The following PPM1E variants were observed in gnomAD, a reference collection of about 807,000 sequenced individuals.
PPM1E encodes protein phosphatase 1E.
A neutral mutation model predicts 65.9 loss-of-function variants in PPM1E; 20 were observed. The ratio of observed to expected loss-of-function variants is 0.30; its 90% confidence interval spans 0.21 to 0.44. PPM1E has a LOEUF of 0.44. Ranked by LOEUF, PPM1E falls within the 20% of genes least tolerant of loss-of-function variation. The pLI is 1.00. For synonymous variants in PPM1E, 352 were observed against 374.9 expected (o/e 0.94, Z 0.70); for missense variants, 713 against 953.1 (o/e 0.75, Z 3.32).
At chr17:58,868,415 A>G (rs1053005768) in intron 1 of PPM1E, among the ~76,000 whole-genome samples, 1 of 152,164 alleles carries the variant, frequency 6.6e-6, no homozygotes, top group African/African-American at 2.4e-5. Context: ...TTTGTTTTCC[A>G]TTTAAAGTTA....
At chr17:58,781,521 C>T (rs1239071898) in intron 1 of PPM1E, among the ~76,000 whole-genome samples, 2 of 152,048 alleles carry the variant, frequency 1.3e-5, no homozygotes, top group Non-Finnish European at 2.9e-5. Context: ...CAAATTCTTG[C>T]CTTGCTGACA....
intron 1 of PPM1E, among the ~76,000 whole-genome samples, chr17:58,808,837 A>C (rs1285246032): frequency 6.6e-6 from 1 of 152,154 alleles, no homozygotes; most frequent in African/African-American, 2.4e-5. Flanking sequence ...TAGCCCGAGG[A>C]AACCACCATG....
chr17:58,914,905 C>T (rs1789830736), intron 1 of PPM1E, among the ~76,000 whole-genome samples: 1 of 151,840 alleles, frequency 6.6e-6, no homozygotes. Context: ...TACTTAGTAC[C>T]CAGGATTGTT....
intron 1 of PPM1E, among the ~76,000 whole-genome samples, chr17:58,822,946 A>T (rs2050495314): frequency 6.6e-6 from 1 of 152,182 alleles, no homozygotes; most frequent in Admixed American, 6.5e-5. Context: ...CCTCTTTGTC[A>T]TATGTAAGTG....
At chr17:58,884,466 T>G (rs2051242563) in intron 1 of PPM1E, among the ~76,000 whole-genome samples, 1 of 152,238 alleles carries the variant, frequency 6.6e-6, no homozygotes, top group Admixed American at 6.5e-5. Context: ...GTTGCTTTTT[T>G]TCTTCTTCTC....
chr17:58,856,318 C>T (rs2050881782), intron 1 of PPM1E, among the ~76,000 whole-genome samples: 1 of 152,140 alleles, frequency 6.6e-6, no homozygotes, highest in African/African-American at 2.4e-5. Context: ...CTGCTCACTG[C>T]AGCCCCCACC....
intron 1 of PPM1E, among the ~76,000 whole-genome samples, chr17:58,935,987 A>G (rs1452188552): frequency 6.9e-6 from 1 of 145,436 alleles, no homozygotes; most frequent in Non-Finnish European, 1.5e-5. Flanking sequence ...CCACCCCACA[A>G]CAGTCCTCAG....
At chr17:58,921,029 T>C (rs753199167) in intron 1 of PPM1E, among the ~76,000 whole-genome samples, 8 of 152,226 alleles carry the variant, frequency 5.3e-5, no homozygotes, top group Non-Finnish European at 8.8e-5. Context: ...TTCTGTCATA[T>C]ACTGCTGATA....
At position 58,766,196 on chromosome 17, in the gene PPM1E, GTTTTTTTT is replaced by G. The variant is rs10604459; in HGVS notation, c.464+9751_464+9758del. Among the ~76,000 whole-genome samples, 451 of 65,134 alleles carry G rather than the reference GTTTTTTTT, an allele frequency of 6.9e-3. 3 individuals are homozygous for G. Among genetic ancestry groups the G allele is most frequent in the Non-Finnish European group, 0.011 (374 of 35,302 alleles). 42.7% of individuals were successfully genotyped at this position (65,134 alleles called of 152,430 possible). Reference sequence around the variant, plus strand: ...CACCTGGCTTATTTTTGTAATTTCTGTTTTTTTTTTTTTTTTTTTTTTTGAGATGGAGT... The same window carrying G: ...CACCTGGCTTATTTTTGTAATTTCTGTTTTTTTTTTTTTTTGAGATGGAGT... On this transcript the variant is annotated intron_variant, in intron 1 of 6. Transcript: ENST00000308249.
At chr17:58,925,710 G>GATT (rs1459496980) in intron 1 of PPM1E, among the ~76,000 whole-genome samples, 1 of 152,090 alleles carries the variant, frequency 6.6e-6, no homozygotes, top group Non-Finnish European at 1.5e-5. Flanking sequence ...AAAGTACTGG[G>GATT]ATTACAGGCG....
At chr17:58,879,676 T>A (rs2051169969) in intron 1 of PPM1E, among the ~76,000 whole-genome samples, 1 of 151,670 alleles carries the variant, frequency 6.6e-6, no homozygotes. Context: ...GCCTGGCTAA[T>A]TTTTTTGTAT....
chr17:58,874,051 G>A (rs1330665230), intron 1 of PPM1E, among the ~76,000 whole-genome samples: 1 of 152,060 alleles, frequency 6.6e-6, no homozygotes. Flanking sequence ...AAAACGAGTA[G>A]GCAAGTTTTA....
chr17:58,837,462 T>C (rs1216708946), intron 1 of PPM1E, among the ~76,000 whole-genome samples: 2 of 151,710 alleles, frequency 1.3e-5, no homozygotes, highest in African/African-American at 2.4e-5. Context: ...AGAAATTGTT[T>C]TAAAAGGCCA....
Position 58,984,748 on chromosome 17 carries a change from C to G in PPM1E, c.*3717C>G, listed in dbSNP as rs1372023277. Reference sequence around the variant, plus strand: ...CAAATGGTATGGTGTTGAAAAATAACTGTTACTTCTTAAAGCAGCATTTTA... The same window carrying G: ...CAAATGGTATGGTGTTGAAAAATAAGTGTTACTTCTTAAAGCAGCATTTTA... On this transcript the variant is annotated 3_prime_UTR_variant, in exon 7 of 7. Coordinates refer to ENST00000308249, the MANE Select transcript of PPM1E (RefSeq NM_014906.5). The G allele has an allele frequency of 6.6e-6, 1 of 152,472 alleles. No homozygotes were observed. Among genetic ancestry groups the G allele is most frequent in the Non-Finnish European group, 1.5e-5 (1 of 68,018 alleles). 9.4% of individuals were successfully genotyped at this position (152,472 alleles called of 1,614,324 possible).
chr17:58,881,187 A>G (rs2051190518), intron 1 of PPM1E, among the ~76,000 whole-genome samples: 1 of 152,130 alleles, frequency 6.6e-6, no homozygotes, highest in Non-Finnish European at 1.5e-5. Context: ...TAAAACTTAC[A>G]CAAATGTCAT....
intron 1 of PPM1E, among the ~76,000 whole-genome samples, chr17:58,813,869 A>G (rs2050392308): frequency 6.6e-6 from 1 of 152,148 alleles, no homozygotes; most frequent in Non-Finnish European, 1.5e-5. Context: ...ACAGATTGGA[A>G]CACAGAGCAG....
chr17:58,923,561 C>T (rs937592479), intron 1 of PPM1E, among the ~76,000 whole-genome samples: 5 of 151,812 alleles, frequency 3.3e-5, no homozygotes, highest in African/African-American at 1.2e-4. Context: ...GCCTGGCCAA[C>T]ATGGTGAAAC....
At chr17:58,819,187 C>A (rs953286520) in intron 1 of PPM1E, among the ~76,000 whole-genome samples, 3 of 152,112 alleles carry the variant, frequency 2.0e-5, no homozygotes, top group Non-Finnish European at 1.5e-5. Flanking sequence ...ACTCTGTCAC[C>A]CAGGCTGGAG....
intron 1 of PPM1E, among the ~76,000 whole-genome samples, chr17:58,796,877 G>C (rs562702140): frequency 6.6e-6 from 1 of 152,058 alleles, no homozygotes; most frequent in Non-Finnish European, 1.5e-5. Flanking sequence ...AGGCTGAGGC[G>C]GGTGGATCAC....
Sources: gnomAD v4.1 joint callset for allele counts (sites outside exome capture counted in the v4.1 genomes callset) on GRCh38, gnomAD v4.1.1 for gene constraint, MANE v1.5 for transcripts, NCBI Gene and HGNC (gene_info 2026-07-23, HGNC 2026-07-21) for gene names.